PIGN: variants seen among roughly 807,000 people sequenced by gnomAD.
PIGN encodes the protein phosphatidylinositol glycan anchor biosynthesis class N.
In PIGN, 117 loss-of-function variants were observed where a neutral mutation model predicts 125.4. The ratio of observed to expected loss-of-function variants is 0.93; its 90% CI spans 0.80 to 1.09. The LOEUF is 1.09. Among genes scored for constraint, PIGN ranks in the 50% least tolerant of loss-of-function variants. The pLI, the probability that PIGN is intolerant of heterozygous loss-of-function variation, is 0.00. For synonymous variants in PIGN, 392 were observed against 377.8 expected, an observed-to-expected ratio of 1.04 and a Z score of -0.44; for missense variants, 1,075 against 1,094.9, an observed-to-expected ratio of 0.98 and a Z score of 0.26.
At chr18:62,110,184 C>T (rs1012484611) in intron 16 of PIGN, 5 of 427,564 alleles carry the variant, frequency 1.2e-5, no homozygotes, top group African/African-American at 1.0e-4. Flanking sequence ...CCTGGAATTG[C>T]TGCAATTAAG....
chr18:62,134,637 T>G (rs543570331), intron 14 of PIGN, among the ~76,000 whole-genome samples: 2 of 152,358 alleles, frequency 1.3e-5, no homozygotes, highest in South Asian at 4.1e-4. Flanking sequence ...CTCTAAAAGC[T>G]GAAAACCAAT....
In PIGN at chr18:62,113,196, C is replaced by G; in HGVS notation, c.1372G>C (p.Ala458Pro). The G allele has an allele frequency of 6.2e-7, 1 of 1,612,686 alleles. No homozygotes were observed. Among genetic ancestry groups the G allele is most frequent in the Admixed American group, 1.7e-5 (1 of 59,926 alleles). Reference sequence around the variant, plus strand: ...TGAGACTTGATGATCAACAAAGAGGCATAAGATATCCATCCCACAAAACCA... The same window carrying G: ...TGAGACTTGATGATCAACAAAGAGGGATAAGATATCCATCCCACAAAACCA... ...VIGFVGWISY[A>P]SLLIIKSHSN... Residue 458 changes from alanine to proline, a missense_variant, in exon 16 of 31, where the codon GCC becomes CCC. By Grantham distance (27) the Ala-to-Pro change is conservative. Transcript: ENST00000640252.
intron 1 of PIGN, among the ~76,000 whole-genome samples, chr18:62,178,541 G>A (rs1219266032): frequency 6.0e-5 from 9 of 151,058 alleles, no homozygotes; most frequent in Non-Finnish European, 1.2e-4. Flanking sequence ...AGGGTGAGGC[G>A]AGAGGATTGC....
intron 23 of PIGN, among the ~76,000 whole-genome samples, chr18:62,018,023 C>T (rs2030002840): frequency 6.6e-6 from 1 of 152,238 alleles, no homozygotes; most frequent in South Asian, 2.1e-4. Flanking sequence ...CCCATATTCC[C>T]ATATGCATTC....
At chr18:62,053,788 ACAG>A (rs2031507301) in intron 30 of PIGN, among the ~76,000 whole-genome samples, 1 of 152,198 alleles carries the variant, frequency 6.6e-6, no homozygotes, top group African/African-American at 2.4e-5. Flanking sequence ...CTACCCAACA[ACAG>A]CAGAATACAT....
At chr18:62,054,898 C>G (rs1225438584) in intron 30 of PIGN, among the ~76,000 whole-genome samples, 1 of 152,138 alleles carries the variant, frequency 6.6e-6, no homozygotes. Context: ...AAGACATGAA[C>G]AGACGTTTCA....
At chr18:62,073,596 C>T (rs2033012009) in intron 29 of PIGN, among the ~76,000 whole-genome samples, 2 of 152,154 alleles carry the variant, frequency 1.3e-5, no homozygotes, top group African/African-American at 4.8e-5. Context: ...GTCTGTTTGT[C>T]ACTTTGCACA....
intron 30 of PIGN, among the ~76,000 whole-genome samples, chr18:62,062,660 G>A (rs917555553): frequency 1.3e-5 from 2 of 151,858 alleles, no homozygotes; most frequent in Non-Finnish European, 2.9e-5. Flanking sequence ...ATATTATCAC[G>A]AAATATTCCT....
chr18:62,133,252 C>A (rs2035806325), intron 14 of PIGN, among the ~76,000 whole-genome samples: 2 of 152,162 alleles, frequency 1.3e-5, no homozygotes, highest in South Asian at 4.1e-4. Context: ...TTATTTGCAA[C>A]TTAGGGATGT....
intron 1 of PIGN, among the ~76,000 whole-genome samples, chr18:62,164,730 C>T (rs906290873): frequency 6.6e-6 from 1 of 152,122 alleles, no homozygotes; most frequent in Admixed American, 6.5e-5. Flanking sequence ...TATTATCACA[C>T]ATAATCATTA....
chr18:62,032,007 T>A (rs919619), intron 23 of PIGN, among the ~76,000 whole-genome samples: 112,833 of 152,104 alleles, frequency 0.74, 45,393 homozygotes, highest in Non-Finnish European at 0.88. Context: ...GTTCCTTGGC[T>A]TGTGGCTGCA....
At chr18:62,165,203 C>T (rs115023623) in intron 1 of PIGN, among the ~76,000 whole-genome samples, 243 of 152,314 alleles carry the variant, frequency 1.6e-3, no homozygotes, top group African/African-American at 5.3e-3. Context: ...TCCTCCTGTT[C>T]GGTCCCTCTT....
intron 11 of PIGN, among the ~76,000 whole-genome samples, chr18:62,140,755 AC>A (rs2036105225): frequency 6.6e-6 from 1 of 152,214 alleles, no homozygotes; most frequent in Admixed American, 6.5e-5. Flanking sequence ...TAAGAATTTG[AC>A]CATTTTATGT....
At chr18:62,080,178 T>C (rs1030387815) in intron 28 of PIGN, among the ~76,000 whole-genome samples, 6 of 152,200 alleles carry the variant, frequency 3.9e-5, no homozygotes, top group Non-Finnish European at 8.8e-5. Flanking sequence ...CGTGTAGCCA[T>C]GGCTCTTGTA....
Position 62,092,039 on chromosome 18 carries a change from C to G in PIGN, c.2181-1461G>C, listed in dbSNP as rs181745113. On this transcript the variant is annotated intron_variant, in intron 23 of 30. Transcript: ENST00000640252. ...CAAAAAAAACCAAACACTTTAAACGCTATTACAAATTATAAAATTATAACA... is the reference window on the plus strand; with the variant it reads ...CAAAAAAAACCAAACACTTTAAACGGTATTACAAATTATAAAATTATAACA... Among the ~76,000 whole-genome samples, 240 of 152,178 alleles carry G rather than the reference C, an allele frequency of 1.6e-3. 1 individual carries two copies. Among genetic ancestry groups the G allele is most frequent in the African/African-American group, 5.4e-3 (225 of 41,540 alleles).
At chr18:62,084,326 A>G (rs916151294) in intron 27 of PIGN, among the ~76,000 whole-genome samples, 1 of 152,038 alleles carries the variant, frequency 6.6e-6, no homozygotes, top group South Asian at 2.1e-4. Context: ...TTGAATCCCT[A>G]CTCTTTTGAA....
chr18:62,053,945 CAG>C (rs1311183075), intron 30 of PIGN, among the ~76,000 whole-genome samples: 1 of 152,074 alleles, frequency 6.6e-6, no homozygotes, highest in East Asian at 1.9e-4. Context: ...CAATGGATAA[CAG>C]ATACATTACC....
At chr18:62,115,456 C>G (rs1417529967) in intron 14 of PIGN, among the ~76,000 whole-genome samples, 1 of 152,068 alleles carries the variant, frequency 6.6e-6, no homozygotes, top group African/African-American at 2.4e-5. Context: ...TTTAAAAATG[C>G]ATGCAAAGTT....
intron 28 of PIGN, among the ~76,000 whole-genome samples, chr18:62,081,915 C>G (rs2033467537): frequency 1.3e-5 from 2 of 152,106 alleles, no homozygotes; most frequent in South Asian, 4.1e-4. Context: ...AAACCCAGTT[C>G]TAGCTTATAC....
Sources: gnomAD v4.1 joint callset for allele counts (sites outside exome capture counted in the v4.1 genomes callset) on GRCh38, gnomAD v4.1.1 for gene constraint, MANE v1.5 for transcripts, NCBI Gene and HGNC (gene_info 2026-07-23, HGNC 2026-07-21) for gene names.